The following RTBDN variants were observed in gnomAD, a reference collection of about 807,000 sequenced individuals.
RTBDN encodes the protein retbindin.
RTBDN carries 24 observed loss-of-function variants against 21.9 expected under a neutral mutation model. The observed-to-expected ratio is 1.10, with a 90% CI of 0.79 to 1.54. The LOEUF is 1.54. Among genes scored for constraint, RTBDN ranks in the 40% most tolerant of loss-of-function variants. The probability of loss-of-function intolerance (pLI) is 0.00; values close to 1 mark genes in which losing one functional copy is unlikely to be tolerated. For synonymous variants in RTBDN, 141 were observed against 125.9 expected (o/e 1.12, Z -0.80); for missense variants, 325 against 315.2 (o/e 1.03, Z -0.23).
chr19:12,826,861 A>G lies in RTBDN; in HGVS notation c.376T>C (p.Cys126Arg), dbSNP rs750766247. 3.2e-6 allele frequency: 5 copies of G among 1,551,316 alleles called. No individual in the cohort carries two copies. Among genetic ancestry groups the G allele is most frequent in the Non-Finnish European group, 4.4e-6 (5 of 1,147,766 alleles). Residue 126 changes from cysteine (C) to arginine (R), a missense_variant, in exon 5 of 6, where the codon TGC (cysteine) becomes CGC (arginine). Physicochemically the swap from Cys to Arg is radical, Grantham distance 180. Transcript: ENST00000674343. ...GGGCCGCAGGTGATATCATCTTCGC[A>G]GTTGGCGAACCTGGAGATGGCGAGT... ...EELCQAWFAN[C>R]EDDITCGPTW...
In RTBDN at chr19:12,826,999, C is replaced by A. The variant is rs57410013; in HGVS notation, c.366-128G>T. On this transcript the variant is annotated intron_variant, in intron 4 of 5. Coordinates refer to ENST00000674343, the MANE Select transcript of RTBDN (RefSeq NM_001270441.2). ...CCAGGCCCCGCCTTTTAGAACCACT[C>A]CCCTGCTAACTAACCCCATCTCTCC... 0.017 allele frequency: 11,464 copies of A among 665,454 alleles called. 1,002 individuals carry two copies. The African/African-American group carries it at 0.18, about 11-fold the overall frequency. 41.2% of individuals were successfully genotyped at this position (665,454 alleles called of 1,614,324 possible). A position where few individuals can be genotyped will look rare whatever the true frequency, so the allele number is the denominator to read the frequency against.
chr19:12,829,706 G>A (rs1252451875), intron 2 of RTBDN, 105 bp downstream of exon 2: 1 of 1,182,906 alleles, frequency 8.5e-7, no homozygotes, highest in African/African-American at 1.5e-5. Context: ...CTCCCACCTT[G>A]GTGGCCATGC....
intron 5 of RTBDN, chr19:12,826,485 G>C (rs1320484715): frequency 9.4e-7 from 1 of 1,066,636 alleles, no homozygotes; most frequent in South Asian, 1.6e-5. Context: ...CCTGAGGTCA[G>C]GAGTTCGAAA....
At position 12,830,769 on chromosome 19, in the gene RTBDN, G is replaced by T; in HGVS notation, c.-18-772C>A. On this transcript the variant is annotated intron_variant, in intron 1 of 5. Coordinates refer to ENST00000674343, the MANE Select transcript of RTBDN (RefSeq NM_001270441.2). The surrounding 1 kb of genome is among the most constrained non-coding windows in gnomAD (Gnocchi z 4.2). ...AAAGGCTGGCCGACTTGGGGCTGGT[G>T]TGTATATATCCTTGTGTTTGTTTTT... The T allele has an allele frequency of 1.7e-6, 1 of 599,098 alleles. No homozygotes were observed. Among genetic ancestry groups the T allele is most frequent in the Non-Finnish European group, 2.1e-6 (1 of 476,886 alleles). 37.1% of individuals were successfully genotyped at this position (599,098 alleles called of 1,614,324 possible).
At chr19:12,833,765 G>A (rs956785057) in intron 1 of RTBDN, among the ~76,000 whole-genome samples, 1 of 143,504 alleles carries the variant, frequency 7.0e-6, no homozygotes, top group Non-Finnish European at 1.5e-5. Context: ...CGGTGGCTGA[G>A]CCCGGGCTCG....
In RTBDN at chr19:12,829,999, TGGCA is replaced by T; in HGVS notation, c.-18-6_-18-3del. The stretch of plus-strand genomic sequence containing the variant: ...GTCCATGTCCACCTGAGATAAGAGC[TGGCA>T]GGCATAGGGTGGGGTTCAGCCATCC... On this transcript the variant is annotated splice_region_variant and splice_polypyrimidine_tract_variant and intron_variant, in intron 1 of 5. Transcript: ENST00000674343. The T allele has an allele frequency of 6.3e-7, 1 of 1,599,854 alleles. No individual in the cohort carries two copies. Among genetic ancestry groups the T allele is most frequent in the Non-Finnish European group, 8.6e-7 (1 of 1,168,238 alleles).
intron 5 of RTBDN, 57 bp from the exon 6 acceptor site, chr19:12,825,990 T>A: frequency 6.8e-7 from 1 of 1,480,930 alleles, no homozygotes; most frequent in Non-Finnish European, 9.0e-7. Context: ...GTGGGGGGCG[T>A]GGCCTCGGGA....
intron 4 of RTBDN, among the ~76,000 whole-genome samples, chr19:12,827,998 C>T (rs1026198495): frequency 1.5e-4 from 22 of 150,936 alleles, no homozygotes; most frequent in Admixed American, 3.3e-4. Flanking sequence ...GATGCTGAGG[C>T]GGGAGAATCA....
chr19:12,829,862 G>A lies in RTBDN; in HGVS notation c.118C>T (p.Gln40Ter). 2 of 1,614,154 alleles carry A rather than the reference G, an allele frequency of 1.2e-6. No homozygotes were observed. The highest frequency in any genetic ancestry group is 1.7e-6 in the Non-Finnish European group (2 of 1,179,990). Reference protein sequence around the residue: ...GSRPLQARSQQHHGLAADLGK... With the variant: ...GSRPLQARSQ ...AGATCAGCTGCCAGCCCATGGTGTT[G>A]CTGGGACCTGGCTTGGAGTGGGCGG... The change falls in exon 2 of 6, where the codon CAA becomes TAA. Residue 40 changes from glutamine to a stop codon, truncating the protein, a stop_gained. Transcript: ENST00000674343. LOFTEE classifies it high-confidence loss of function.
At chr19:12,832,793 C>G (rs1419795975) in intron 1 of RTBDN, 1 of 151,884 alleles carries the variant, frequency 6.6e-6, no homozygotes, top group Non-Finnish European at 1.5e-5. Context: ...CCCAGCCTCG[C>G]CGTCGCCCCC....
rs775522501 is a variant in RTBDN, at chr19:12,829,885, C to A, written c.95G>T (p.Arg32Leu). Residue 32 changes from arginine to leucine, a missense_variant, in exon 2 of 6, where the codon CGC becomes CTC. Physicochemically the swap from Arg to Leu is moderately radical, Grantham distance 102. Transcript: ENST00000674343. ...WILLEACGGSRPLQARSQQHH... is the reference protein window; with the variant it reads ...WILLEACGGSLPLQARSQQHH... ...TTGCTGGGACCTGGCTTGGAGTGGG[C>A]GGCTCCCTCCACAGGCTTCTAGCAG... is the stretch of plus-strand genomic sequence containing the variant. 3 of 1,614,118 alleles carry A rather than the reference C, an allele frequency of 1.9e-6. No individual in the cohort carries two copies. The highest frequency in any genetic ancestry group is 1.1e-5 in the South Asian group (1 of 91,078).
rs575317219 is a variant in RTBDN, at chr19:12,826,270, G to A, written c.463-337C>T. 7.9e-5 allele frequency: 98 copies of A among 1,247,338 alleles called. 1 individual carries two copies. The highest frequency in any genetic ancestry group is 2.2e-4 in the Middle Eastern group (1 of 4,648). 77.3% of individuals were successfully genotyped at this position (1,247,338 alleles called of 1,614,324 possible). On this transcript the variant is annotated intron_variant, in intron 5 of 5. Coordinates refer to ENST00000674343, the MANE Select transcript of RTBDN (RefSeq NM_001270441.2). ...AGAGCAGGAATGGTTTCTTGGGAAG[G>A]GCAAATCTGGACTTCGAGAGCTTTT...
At chr19:12,826,318 T>G in intron 5 of RTBDN, 1 of 1,217,356 alleles carries the variant, frequency 8.2e-7, no homozygotes, top group Non-Finnish European at 1.0e-6. Context: ...CACAACCCAG[T>G]AGGAGGTTGG....
At chr19:12,833,737 C>T (rs1349704310) in intron 1 of RTBDN, among the ~76,000 whole-genome samples, 1 of 149,040 alleles carries the variant, frequency 6.7e-6, no homozygotes, top group African/African-American at 2.5e-5. Flanking sequence ...CGCCCCTTCC[C>T]CCCGCCAGCG....
At chr19:12,831,016 TTGTGTGTGTGTGTGTGTGTGTGTG>T (rs56204944) in intron 1 of RTBDN, among the ~76,000 whole-genome samples, 1 of 132,380 alleles carries the variant, frequency 7.6e-6, no homozygotes, top group Non-Finnish European at 1.6e-5. Flanking sequence ...GGTGGAGTGG[TTGTGTGTGTGTGTGTGTGTGTGTG>T]TGTGTGTGTG....
chr19:12,828,982 G>C, intron 2 of RTBDN, 29 bp from the exon 3 acceptor site: 2 of 1,613,492 alleles, frequency 1.2e-6, no homozygotes, highest in Non-Finnish European at 1.7e-6. Context: ...GTGAGCTAGG[G>C]TCTTGGATAT....
chr19:12,828,990 T>C (rs751483663), intron 2 of RTBDN, 37 bp from the exon 3 acceptor site: 16 of 1,613,044 alleles, frequency 9.9e-6, no homozygotes, highest in Admixed American at 1.7e-5. Flanking sequence ...GGGTCTTGGA[T>C]ATTCAGGTAA....
intron 4 of RTBDN, among the ~76,000 whole-genome samples, chr19:12,828,108 G>GA (rs1275777197): frequency 7.8e-6 from 1 of 128,256 alleles, no homozygotes; most frequent in Admixed American, 7.8e-5. Flanking sequence ...AAAAAAAAAA[G>GA]AAAAAAAGGC....
In RTBDN at chr19:12,825,590, G is replaced by A. The variant is rs1969253634; in HGVS notation, c.*116C>T. 1.4e-6 allele frequency: 2 copies of A among 1,424,704 alleles called. No individual in the cohort carries two copies. Among genetic ancestry groups the A allele is most frequent in the Admixed American group, 5.1e-5 (2 of 39,198 alleles). The allele number at this position is 1,424,704 out of a possible 1,614,324, so 88.3% of individuals were successfully genotyped here. ...GGTCTCTGGAGCTCCAGGGAGGAGG[G>A]ACAGACATCTCAAAACTATTACAGA... is the stretch of plus-strand genomic sequence containing the variant. On this transcript the variant is annotated 3_prime_UTR_variant, in exon 6 of 6. Coordinates refer to ENST00000674343, the MANE Select transcript of RTBDN (RefSeq NM_001270441.2).
Sources: allele counts gnomAD v4.1 joint callset (sites outside exome capture counted in the v4.1 genomes callset), GRCh38; gene constraint gnomAD v4.1.1; non-coding constraint Gnocchi (gnomAD v3.1); transcripts MANE v1.5; gene names NCBI Gene and HGNC (gene_info 2026-07-23, HGNC 2026-07-21).